Variants in LRMDA observed in about 807,000 individuals in gnomAD.
The protein encoded by LRMDA is leucine rich melanocyte differentiation associated.
A neutral mutation model predicts 29.8 loss-of-function variants in LRMDA; 18 were observed. The observed-to-expected ratio is 0.60, with a 90% CI of 0.42 to 0.90. The LOEUF is 0.90. Ranked by LOEUF, LRMDA falls within the 40% of genes least tolerant of loss-of-function variation. The pLI, the probability that LRMDA is intolerant of heterozygous loss-of-function variation, is 0.00. For synonymous variants in LRMDA, 125 were observed against 109.4 expected, an observed-to-expected ratio of 1.14 and a Z score of -0.89; for missense variants, 273 against 273.9, an observed-to-expected ratio of 1.00 and a Z score of 0.02.
intron 6 of LRMDA, among the ~76,000 whole-genome samples, chr10:76,448,526 T>C (rs555623929): frequency 6.6e-6 from 1 of 152,220 alleles, no homozygotes; most frequent in African/African-American, 2.4e-5. Context: ...AGGTATTTTC[T>C]CTCCAATTTT....
At chr10:75,492,377 G>A (rs943665031) in intron 2 of LRMDA, among the ~76,000 whole-genome samples, 9 of 152,176 alleles carry the variant, frequency 5.9e-5, no homozygotes, top group African/African-American at 2.2e-4. Flanking sequence ...CTGGTTTGAC[G>A]CTTTAGGTAT....
intron 2 of LRMDA, among the ~76,000 whole-genome samples, chr10:75,585,598 A>G (rs2132080031): frequency 6.6e-6 from 1 of 152,316 alleles, no homozygotes; most frequent in Middle Eastern, 3.4e-3. Context: ...TTGTGTTTTT[A>G]CCAACAGGGA....
chr10:75,593,194 A>G (rs1432661499), intron 2 of LRMDA, among the ~76,000 whole-genome samples: 1 of 152,180 alleles, frequency 6.6e-6, no homozygotes, highest in African/African-American at 2.4e-5. Context: ...GTTTTTACCA[A>G]CCAAATGTTA....
At chr10:76,036,983 T>C (rs992101250) in intron 3 of LRMDA, among the ~76,000 whole-genome samples, 1 of 152,164 alleles carries the variant, frequency 6.6e-6, no homozygotes, top group Non-Finnish European at 1.5e-5. Flanking sequence ...CAATAAATAT[T>C]TGAGGGATGA....
chr10:76,305,420 CTCTT>C (rs948129969), intron 5 of LRMDA, among the ~76,000 whole-genome samples: 4 of 152,076 alleles, frequency 2.6e-5, no homozygotes, highest in African/African-American at 7.2e-5. Flanking sequence ...CCCTCCCTTC[CTCTT>C]TCTTTCTTTC....
At chr10:75,747,871 T>C (rs1308757994) in intron 2 of LRMDA, among the ~76,000 whole-genome samples, 1 of 152,218 alleles carries the variant, frequency 6.6e-6, no homozygotes, top group South Asian at 2.1e-4. Context: ...TTTTAAAAAT[T>C]AAATCAATTT....
chr10:75,705,203 A>C (rs1011172116), intron 2 of LRMDA, among the ~76,000 whole-genome samples: 5 of 152,200 alleles, frequency 3.3e-5, no homozygotes, highest in African/African-American at 1.2e-4. Flanking sequence ...TCTGGTAACA[A>C]AACCCCAGTC....
intron 6 of LRMDA, among the ~76,000 whole-genome samples, chr10:76,501,300 G>T (rs1009707564): frequency 6.6e-6 from 1 of 151,982 alleles, no homozygotes; most frequent in Non-Finnish European, 1.5e-5. Context: ...TTGATTCCAT[G>T]TCTTTGGTAT....
intron 2 of LRMDA, among the ~76,000 whole-genome samples, chr10:75,590,791 C>G (rs1840714376): frequency 8.9e-6 from 1 of 111,744 alleles, no homozygotes; most frequent in South Asian, 3.1e-4. Context: ...TGCTGTCACC[C>G]AGGTTGGAGT....
chr10:75,674,947 CAT>C (rs1281345498), intron 2 of LRMDA, among the ~76,000 whole-genome samples: 2 of 152,172 alleles, frequency 1.3e-5, no homozygotes, highest in Non-Finnish European at 2.9e-5. Flanking sequence ...ACAACAGTGA[CAT>C]ATTCTTTTTC....
intron 2 of LRMDA, among the ~76,000 whole-genome samples, chr10:76,009,547 A>T (rs1050017559): frequency 6.6e-6 from 1 of 152,102 alleles, no homozygotes; most frequent in African/African-American, 2.4e-5. Context: ...AGGAGCTCGC[A>T]ACCTTGCTCT....
At chr10:76,408,311 G>A (rs1841923436) in intron 6 of LRMDA, among the ~76,000 whole-genome samples, 1 of 152,170 alleles carries the variant, frequency 6.6e-6, no homozygotes, top group Non-Finnish European at 1.5e-5. Context: ...GAACTAGACA[G>A]AGGGCCTTGA....
intron 2 of LRMDA, among the ~76,000 whole-genome samples, chr10:75,477,609 A>C (rs375860056): frequency 6.6e-6 from 1 of 152,344 alleles, no homozygotes; most frequent in East Asian, 1.9e-4. Flanking sequence ...ATGACAGCCA[A>C]GTCCCCAGGC....
chr10:75,948,521 G>A (rs1188761173), intron 2 of LRMDA, among the ~76,000 whole-genome samples: 1 of 152,192 alleles, frequency 6.6e-6, no homozygotes, highest in Non-Finnish European at 1.5e-5. Flanking sequence ...CTGGGATAAT[G>A]CACTGTTCCT....
intron 5 of LRMDA, among the ~76,000 whole-genome samples, chr10:76,126,358 G>T (rs1437879819): frequency 6.6e-6 from 1 of 152,158 alleles, no homozygotes; most frequent in African/African-American, 2.4e-5. Context: ...TAGGCATTCT[G>T]CATATATCAA....
At chr10:76,476,650 A>G (rs529384940) in intron 6 of LRMDA, among the ~76,000 whole-genome samples, 134 of 152,310 alleles carry the variant, frequency 8.8e-4, no homozygotes, top group Middle Eastern at 3.4e-3. Context: ...AAAAATCCTC[A>G]ATAAAATACT....
intron 6 of LRMDA, among the ~76,000 whole-genome samples, chr10:76,531,238 A>C (rs1321057267): frequency 6.6e-6 from 1 of 152,184 alleles, no homozygotes; most frequent in African/African-American, 2.4e-5. Flanking sequence ...AATTACCTTA[A>C]TACCCAGTAA....
At chr10:75,613,038 G>A (rs1841052349) in intron 2 of LRMDA, among the ~76,000 whole-genome samples, 1 of 151,998 alleles carries the variant, frequency 6.6e-6, no homozygotes, top group South Asian at 2.1e-4. Flanking sequence ...TTCTTTTGAC[G>A]TTCCTGGGCA....
chr10:76,152,897 G>C lies in LRMDA; in HGVS notation c.516+94114G>C, dbSNP rs139652022. 3.5e-3 allele frequency among the ~76,000 whole-genome samples: 530 copies of C among 151,798 alleles called. 3 individuals carry two copies. Among genetic ancestry groups the C allele is most frequent in the African/African-American group, 0.012 (505 of 41,386 alleles). On this transcript the variant is annotated intron_variant, in intron 5 of 6. Coordinates refer to ENST00000611255, the MANE Select transcript of LRMDA (RefSeq NM_001305581.2). The stretch of plus-strand genomic sequence containing the variant: ...ACTCTGTAGTCCAGGCTGGTGTGCA[G>C]TGGCGTGATCTCGGCTCACTGCAAC...
Sources: gnomAD v4.1 joint callset for allele counts (sites outside exome capture counted in the v4.1 genomes callset) on GRCh38, gnomAD v4.1.1 for gene constraint, MANE v1.5 for transcripts, NCBI Gene and HGNC (gene_info 2026-07-23, HGNC 2026-07-21) for gene names.